Variants in ZYG11B observed in about 807,000 individuals in gnomAD.
ZYG11B encodes the protein zyg-11 family member B, cell cycle regulator.
A neutral mutation model predicts 82.4 loss-of-function variants in ZYG11B; 36 were observed. That is an observed-to-expected ratio of 0.44 (90% CI 0.33 to 0.58). The LOEUF (loss-of-function observed/expected upper bound fraction) is 0.58. Ranked by LOEUF, ZYG11B falls within the 20% of genes least tolerant of loss-of-function variation. The pLI, the probability that ZYG11B is intolerant of heterozygous loss-of-function variation, is 0.02. For synonymous variants in ZYG11B, 303 were observed against 312.8 expected (o/e 0.97, Z 0.33); for missense variants, 552 against 895.6 (o/e 0.62, Z 4.90).
intron 2 of ZYG11B, among the ~76,000 whole-genome samples, chr1:52,767,619 TC>T (rs1644709636): frequency 2.6e-5 from 4 of 152,154 alleles, no homozygotes; most frequent in Admixed American, 2.6e-4. Flanking sequence ...GGGTTAATGT[TC>T]TTTCTGGTTC....
rs1260598430 is a variant in ZYG11B, at chr1:52,822,417, T to A, written c.*788T>A. The A allele has an allele frequency of 6.6e-6, 1 of 152,242 alleles. No individual in the cohort carries two copies. The highest frequency in any genetic ancestry group is 1.5e-5 in the Non-Finnish European group (1 of 68,048). The allele number at this position is 152,242 out of a possible 1,614,324, so 9.4% of individuals were successfully genotyped here. On this transcript the variant is annotated 3_prime_UTR_variant, in exon 14 of 14. Coordinates refer to ENST00000294353, the MANE Select transcript of ZYG11B (RefSeq NM_024646.3). ...CACAGTATAAAATACTACAGCACTC[T>A]GTGTTAAAGACTAACTGTCTACATC...
At chr1:52,788,630 G>A (rs1644932202) in intron 5 of ZYG11B, among the ~76,000 whole-genome samples, 1 of 152,202 alleles carries the variant, frequency 6.6e-6, no homozygotes, top group Admixed American at 6.5e-5. Context: ...TTGGGAGGCT[G>A]AAGCAGGAGG....
At chr1:52,821,382 A>AGT in intron 13 of ZYG11B, 57 bp from the exon 14 acceptor site, 1 of 1,489,638 alleles carries the variant, frequency 6.7e-7, no homozygotes, top group Admixed American at 2.4e-5. Context: ...ATAATTTTCA[A>AGT]GTGTTTTAAG....
chr1:52,770,044 G>A (rs1428199858), intron 2 of ZYG11B, among the ~76,000 whole-genome samples: 2 of 149,464 alleles, frequency 1.3e-5, no homozygotes, highest in Non-Finnish European at 3.0e-5. Flanking sequence ...ATCTGCAGGA[G>A]GGGGAGTGTG....
rs928264580 is a variant in ZYG11B, at chr1:52,824,725, C to T, written c.*3096C>T. 5 of 151,662 alleles carry T rather than the reference C, an allele frequency of 3.3e-5. No individual in the cohort carries two copies. The highest frequency in any genetic ancestry group is 2.1e-4 in the South Asian group (1 of 4,804). The allele number at this position is 151,662 out of a possible 1,614,324, so 9.4% of individuals were successfully genotyped here. On this transcript the variant is annotated 3_prime_UTR_variant, in exon 14 of 14. Transcript: ENST00000294353. The stretch of plus-strand genomic sequence containing the variant: ...GCAGTTGGGATGGTTCCTAAAATTG[C>T]GTATAGAATTAAGGCACAGAATTGT...
chr1:52,802,487 A>C (rs1317200657), intron 10 of ZYG11B, among the ~76,000 whole-genome samples: 3 of 151,336 alleles, frequency 2.0e-5, no homozygotes, highest in African/African-American at 7.3e-5. Flanking sequence ...AGTAGGTGGG[A>C]CTATAGGTGT....
At chr1:52,758,825 A>T (rs191396415) in intron 2 of ZYG11B, among the ~76,000 whole-genome samples, 2,556 of 152,246 alleles carry the variant, frequency 0.017, 38 homozygotes, top group Non-Finnish European at 0.022. Context: ...TCTGTATTAT[A>T]TATGTTAAAG....
At chr1:52,733,982 A>G (rs926351322) in intron 1 of ZYG11B, among the ~76,000 whole-genome samples, 10 of 152,266 alleles carry the variant, frequency 6.6e-5, no homozygotes, top group Admixed American at 5.9e-4. Flanking sequence ...ACAAATTGAA[A>G]TAGACATAAT....
chr1:52,737,184 ACTT>A (rs1571740000), intron 1 of ZYG11B, among the ~76,000 whole-genome samples: 1 of 152,134 alleles, frequency 6.6e-6, no homozygotes, highest in East Asian at 1.9e-4. Context: ...GCCTGGTACT[ACTT>A]CTTAATTATT....
At chr1:52,820,638 C>T (rs1415421403) in intron 13 of ZYG11B, among the ~76,000 whole-genome samples, 3 of 141,636 alleles carry the variant, frequency 2.1e-5, no homozygotes, top group Non-Finnish European at 4.5e-5. Context: ...ACACAGCAAG[C>T]TGCAGTGAGC....
At chr1:52,811,393 G>A (rs565224268) in intron 10 of ZYG11B, among the ~76,000 whole-genome samples, 5 of 152,208 alleles carry the variant, frequency 3.3e-5, no homozygotes, top group South Asian at 4.1e-4. Flanking sequence ...TTATCCCACA[G>A]GTCCCAGAAC....
At chr1:52,787,426 TTCC>T (rs1238017296) in intron 5 of ZYG11B, among the ~76,000 whole-genome samples, 6 of 152,304 alleles carry the variant, frequency 3.9e-5, no homozygotes, top group Middle Eastern at 3.4e-3. Context: ...TAGCTATTAG[TTCC>T]TCTGAGGGGA....
In ZYG11B at chr1:52,826,481, G is replaced by C. The variant is rs544405351; in HGVS notation, c.*4852G>C. ...AGAATTTGCTCATCGTGCTTTAAAT[G>C]ATTAACTGTTTTACCTTATTTAGTA... On this transcript the variant is annotated 3_prime_UTR_variant, in exon 14 of 14. Transcript: ENST00000294353. 2.0e-5 allele frequency: 3 copies of C among 152,180 alleles called. No individual in the cohort carries two copies. Among genetic ancestry groups the C allele is most frequent in the African/African-American group, 7.2e-5 (3 of 41,452 alleles). 9.4% of individuals were successfully genotyped at this position (152,180 alleles called of 1,614,324 possible).
chr1:52,819,784 TG>T (rs1645266791), intron 13 of ZYG11B, among the ~76,000 whole-genome samples: 1 of 138,242 alleles, frequency 7.2e-6, no homozygotes, highest in South Asian at 2.3e-4. Context: ...AGACTCTGTC[TG>T]AAAAAAAAAT....
At chr1:52,750,643 G>A (rs964294439) in intron 1 of ZYG11B, among the ~76,000 whole-genome samples, 1 of 152,160 alleles carries the variant, frequency 6.6e-6, no homozygotes, top group South Asian at 2.1e-4. Context: ...CTATTAAAGT[G>A]TACCCAGTTC....
At chr1:52,766,702 A>C (rs1644692283) in intron 2 of ZYG11B, among the ~76,000 whole-genome samples, 1 of 152,052 alleles carries the variant, frequency 6.6e-6, no homozygotes, top group African/African-American at 2.4e-5. Context: ...GATTGGGGTT[A>C]ATGTTCTTTG....
At chr1:52,766,910 A>G (rs2149935660) in intron 2 of ZYG11B, among the ~76,000 whole-genome samples, 1 of 152,036 alleles carries the variant, frequency 6.6e-6, no homozygotes, top group East Asian at 1.9e-4. Context: ...CCAGAGGCTG[A>G]GGCGGGAGAA....
intron 1 of ZYG11B, among the ~76,000 whole-genome samples, chr1:52,728,757 G>A (rs1455150179): frequency 1.2e-4 from 18 of 152,154 alleles, no homozygotes; most frequent in Admixed American, 6.6e-5. Context: ...TGTCCTTTGA[G>A]CTGGGCCTGA....
intron 12 of ZYG11B, among the ~76,000 whole-genome samples, chr1:52,814,322 A>G (rs966206666): frequency 6.6e-6 from 1 of 152,206 alleles, no homozygotes; most frequent in Non-Finnish European, 1.5e-5. Flanking sequence ...CACCCAGCCA[A>G]AAGTATTGGC....
Sources: allele counts gnomAD v4.1 joint callset (sites outside exome capture counted in the v4.1 genomes callset), GRCh38; gene constraint gnomAD v4.1.1; transcripts MANE v1.5; gene names NCBI Gene and HGNC (gene_info 2026-07-23, HGNC 2026-07-21).